MBD5: variants seen among roughly 807,000 people sequenced by gnomAD.
MBD5 encodes methyl-CpG binding domain protein 5.
A neutral mutation model predicts 117.3 loss-of-function variants in MBD5; 13 were observed. The ratio of observed to expected loss-of-function variants is 0.11; its 90% CI spans 0.07 to 0.18. The LOEUF is 0.18. Ranked by LOEUF, MBD5 falls within the 10% of genes least tolerant of loss-of-function variation. MBD5 has a pLI of 1.00. For missense variants in MBD5, 1,879 were observed against 2,093.8 expected, an observed-to-expected ratio of 0.90 and a Z score of 2.00; for synonymous variants, 727 against 766.4, an observed-to-expected ratio of 0.95 and a Z score of 0.85.
chr2:148,297,687 C>A (rs1414488705), intron 3 of MBD5, among the ~76,000 whole-genome samples: 1 of 152,112 alleles, frequency 6.6e-6, no homozygotes, highest in East Asian at 1.9e-4. Context: ...TGGCAAATAC[C>A]TTCAAGTTTT....
Position 148,483,316 on chromosome 2 carries a change from C to A in MBD5, c.2725C>A (p.His909Asn). 1 of 1,614,092 alleles carries A rather than the reference C, an allele frequency of 6.2e-7. No homozygotes were observed. The highest frequency in any genetic ancestry group is 8.5e-7 in the Non-Finnish European group (1 of 1,180,010). ...TCCATCCAACAGCACTTCAAACAAC[C>A]ATCTTCCACACCCCTTGAACCCCAG... ...HFPSNSTSNNHLPHPLNPSLL... is the reference protein window; with the variant it reads ...HFPSNSTSNNNLPHPLNPSLL... Residue 909 changes from histidine (H) to asparagine (N), a missense_variant, in exon 9 of 14, where the codon CAT (histidine) becomes AAT (asparagine). By Grantham distance (68) the His-to-Asn change is moderately conservative. This residue lies in a region of MBD5 where 1,666 missense variants were observed against 1,792.2 expected (regional missense o/e 0.93). Transcript: ENST00000642680.
chr2:148,132,559 T>A (rs1697076654), intron 1 of MBD5, among the ~76,000 whole-genome samples: 1 of 152,076 alleles, frequency 6.6e-6, no homozygotes, highest in South Asian at 2.1e-4. Flanking sequence ...TCCTCATACA[T>A]CTTTTCCCAT....
chr2:148,163,415 G>T (rs1698055010), intron 1 of MBD5, among the ~76,000 whole-genome samples: 1 of 152,070 alleles, frequency 6.6e-6, no homozygotes, highest in Non-Finnish European at 1.5e-5. Context: ...GTTGCTTTGA[G>T]AATTAAATAA....
chr2:148,159,394 C>CT (rs1697952418), intron 1 of MBD5, among the ~76,000 whole-genome samples: 1 of 152,142 alleles, frequency 6.6e-6, no homozygotes, highest in African/African-American at 2.4e-5. Context: ...TGGCTCACTA[C>CT]AACCTCCACC....
At chr2:148,074,926 A>G (rs1233925124) in intron 1 of MBD5, among the ~76,000 whole-genome samples, 2 of 152,214 alleles carry the variant, frequency 1.3e-5, no homozygotes, top group Non-Finnish European at 2.9e-5. Context: ...GTCTTGGAGA[A>G]TAAAGACCTC....
chr2:148,226,417 C>T (rs1699822581), intron 2 of MBD5, among the ~76,000 whole-genome samples: 1 of 152,160 alleles, frequency 6.6e-6, no homozygotes, highest in Non-Finnish European at 1.5e-5. Context: ...CCAGCTTCAT[C>T]CATGTCCCTA....
intron 1 of MBD5, chr2:148,026,375 A>G (rs1201601867): frequency 6.6e-6 from 1 of 152,204 alleles, no homozygotes; most frequent in Non-Finnish European, 1.5e-5. Context: ...CAGAAAAACA[A>G]AGAAAAAAAA....
chr2:148,369,507 C>A (rs982922808), intron 4 of MBD5, among the ~76,000 whole-genome samples: 1 of 151,814 alleles, frequency 6.6e-6, no homozygotes, highest in Admixed American at 6.6e-5. Context: ...TCCAGAAGTA[C>A]AAATTAAGCA....
chr2:148,361,908 C>T (rs1257709603), intron 4 of MBD5, among the ~76,000 whole-genome samples: 1 of 152,208 alleles, frequency 6.6e-6, no homozygotes, highest in Non-Finnish European at 1.5e-5. Context: ...CTCCCCTAGC[C>T]AAGGGAAGAC....
intron 3 of MBD5, among the ~76,000 whole-genome samples, chr2:148,271,439 C>T (rs4972343): frequency 0.48 from 72,379 of 151,818 alleles, 17,500 homozygotes; most frequent in East Asian, 0.71. Context: ...AGTTATTTTC[C>T]CAAGACAATT....
intron 3 of MBD5, among the ~76,000 whole-genome samples, chr2:148,238,814 T>G (rs1365498924): frequency 6.6e-6 from 1 of 152,104 alleles, no homozygotes. Context: ...ATTCTCCCTG[T>G]GTGTCTGTTT....
Position 148,469,402 on chromosome 2 carries a change from A to G in MBD5, c.1459A>G (p.Lys487Glu). The change falls in exon 8 of 14, where the codon AAG becomes GAG. Residue 487 changes from lysine (K) to glutamate (E), a missense_variant. By Grantham distance (56) the Lys-to-Glu change is moderately conservative (BLOSUM62 1). Coordinates refer to ENST00000642680, the MANE Select transcript of MBD5 (RefSeq NM_001378120.1). ...VGPQATSSGI[K>E]VPPRSPRSTI... Reference sequence around the variant, plus strand: ...ACCCCAGGCCACTTCTAGTGGTATTAAGGTTCCACCCAGGTCACCAAGGTC... The same window carrying G: ...ACCCCAGGCCACTTCTAGTGGTATTGAGGTTCCACCCAGGTCACCAAGGTC... The G allele has an allele frequency of 6.2e-7, 1 of 1,613,832 alleles. No homozygotes were observed. The highest frequency in any genetic ancestry group is 8.5e-7 in the Non-Finnish European group (1 of 1,179,936).
intron 1 of MBD5, among the ~76,000 whole-genome samples, chr2:148,111,832 A>G (rs1434595709): frequency 1.3e-5 from 2 of 152,124 alleles, no homozygotes; most frequent in Non-Finnish European, 2.9e-5. Context: ...CCCTATATAT[A>G]CTATGTTTTT....
At chr2:148,152,404 G>A (rs1227568985) in intron 1 of MBD5, among the ~76,000 whole-genome samples, 2 of 152,054 alleles carry the variant, frequency 1.3e-5, no homozygotes, top group African/African-American at 4.8e-5. Flanking sequence ...GCTGAAAAAA[G>A]TGTATATTCT....
intron 4 of MBD5, among the ~76,000 whole-genome samples, chr2:148,411,160 T>C (rs552980838): frequency 6.6e-6 from 1 of 152,306 alleles, no homozygotes; most frequent in African/African-American, 2.4e-5. Context: ...GGCCTTGAGC[T>C]CTACCCATGT....
chr2:148,403,382 G>C (rs1241878724), intron 4 of MBD5, among the ~76,000 whole-genome samples: 1 of 152,016 alleles, frequency 6.6e-6, no homozygotes, highest in Non-Finnish European at 1.5e-5. Flanking sequence ...GTTTCACCAT[G>C]TTGGCCAGGC....
At chr2:148,059,738 T>C (rs1244213662) in intron 1 of MBD5, among the ~76,000 whole-genome samples, 1 of 151,160 alleles carries the variant, frequency 6.6e-6, no homozygotes, top group African/African-American at 2.4e-5. Flanking sequence ...CCCAGCTACT[T>C]GGGAGGCTGA....
chr2:148,281,511 T>G (rs141308398), intron 3 of MBD5, among the ~76,000 whole-genome samples: 225 of 152,304 alleles, frequency 1.5e-3, no homozygotes, highest in African/African-American at 5.0e-3. Flanking sequence ...TACTTCTGTA[T>G]GAATCTTCAA....
intron 4 of MBD5, among the ~76,000 whole-genome samples, chr2:148,401,770 T>C (rs12475363): frequency 0.041 from 6,281 of 152,224 alleles, 161 homozygotes; most frequent in Non-Finnish European, 0.056. Context: ...TCACCAGTTA[T>C]TCCATTAATG....
Sources: gnomAD v4.1 joint callset for allele counts (sites outside exome capture counted in the v4.1 genomes callset) on GRCh38, gnomAD v4.1.1 for gene constraint, gnomAD v4.1.1 regional missense constraint, MANE v1.5 for transcripts, NCBI Gene and HGNC (gene_info 2026-07-23, HGNC 2026-07-21) for gene names.